Variants in OCA2 observed in about 807,000 individuals in gnomAD.
The protein encoded by OCA2 is OCA2 melanosomal transmembrane protein.
A neutral mutation model predicts 100.2 loss-of-function variants in OCA2; 77 were observed. The ratio of observed to expected loss-of-function variants is 0.77; its 90% CI spans 0.64 to 0.93. OCA2 has a LOEUF of 0.93. Among genes scored for constraint, OCA2 ranks in the 40% least tolerant of loss-of-function variants. The pLI, the probability that OCA2 is intolerant of heterozygous loss-of-function variation, is 0.00. For synonymous variants in OCA2, 432 were observed against 439.2 expected (o/e 0.98, Z 0.21); for missense variants, 1,062 against 1,089.1 (o/e 0.98, Z 0.35).
intron 2 of OCA2, among the ~76,000 whole-genome samples, chr15:28,067,024 T>C (rs1034389360): frequency 2.0e-5 from 3 of 152,252 alleles, no homozygotes; most frequent in Non-Finnish European, 4.4e-5. Flanking sequence ...GATTGATGTC[T>C]GCCTGTAACT....
intron 14 of OCA2, among the ~76,000 whole-genome samples, chr15:27,978,851 A>C (rs1480869378): frequency 6.6e-6 from 1 of 152,090 alleles, no homozygotes; most frequent in Non-Finnish European, 1.5e-5. Context: ...ATGCCCGGCT[A>C]ATATTTTGTA....
intron 16 of OCA2, among the ~76,000 whole-genome samples, chr15:27,955,479 G>C (rs1234500463): frequency 6.6e-6 from 1 of 152,194 alleles, no homozygotes; most frequent in Non-Finnish European, 1.5e-5. Flanking sequence ...TTGCGCAGGG[G>C]AAGCTTCACG....
chr15:28,083,855 A>T (rs974360883), intron 1 of OCA2, among the ~76,000 whole-genome samples: 1 of 152,206 alleles, frequency 6.6e-6, no homozygotes, highest in Non-Finnish European at 1.5e-5. Context: ...CTGAGACTTT[A>T]GAGGGGGTCC....
intron 21 of OCA2, among the ~76,000 whole-genome samples, chr15:27,853,766 C>T (rs1417523904): frequency 1.3e-5 from 2 of 151,958 alleles, no homozygotes; most frequent in East Asian, 1.9e-4. Context: ...CCCCTGGGCC[C>T]GCCATCCCGG....
At chr15:27,753,086 T>C (rs1316483259), downstream of OCA2, among the ~76,000 whole-genome samples, 2 of 152,016 alleles carry the variant, frequency 1.3e-5, no homozygotes, top group Non-Finnish European at 2.9e-5. Context: ...GCCAGTTTGT[T>C]GGTTGACTTT....
chr15:28,021,631 G>C, intron 6 of OCA2, among the ~76,000 whole-genome samples: 1 of 152,190 alleles, frequency 6.6e-6, no homozygotes, highest in Non-Finnish European at 1.5e-5. Flanking sequence ...CGCTCCCCAG[G>C]AAGACAGGAA....
intron 19 of OCA2, among the ~76,000 whole-genome samples, chr15:27,917,703 G>A (rs1042506608): frequency 8.5e-5 from 13 of 152,282 alleles, no homozygotes; most frequent in Non-Finnish European, 1.9e-4. Flanking sequence ...ATAAGGATGA[G>A]TGGGAGCAAA....
rs537854342 is a variant in OCA2, at chr15:27,805,723, T to C, written c.2432+39236A>G. On this transcript the variant is annotated intron_variant, in intron 23 of 23. Coordinates refer to ENST00000354638, the MANE Select transcript of OCA2 (RefSeq NM_000275.3). ...CTGGACGTGCCATGGAGGTGCCGAG[T>C]GCCAGAGGTGCACAGTGAGCGCTGC... Among the ~76,000 whole-genome samples the C allele has an allele frequency of 1.7e-4, 26 of 152,132 alleles. No individual in the cohort carries two copies. In the South Asian group the frequency reaches 3.5e-3, roughly 21 times the overall value.
intron 19 of OCA2, among the ~76,000 whole-genome samples, chr15:27,875,943 A>T (rs2036772692): frequency 6.6e-6 from 1 of 152,046 alleles, no homozygotes; most frequent in Non-Finnish European, 1.5e-5. Context: ...TTTTCTACAT[A>T]AACAATCATA....
At chr15:28,026,968 C>T (rs531427971) in intron 4 of OCA2, among the ~76,000 whole-genome samples, 7 of 152,334 alleles carry the variant, frequency 4.6e-5, no homozygotes, top group African/African-American at 1.2e-4. Context: ...GGTACCGTCG[C>T]GTGGCCAGGC....
chr15:27,900,898 G>A (rs545097519), intron 19 of OCA2, among the ~76,000 whole-genome samples: 2 of 152,298 alleles, frequency 1.3e-5, no homozygotes, highest in Non-Finnish European at 2.9e-5. Context: ...CTCAACAGTG[G>A]ATAAAAACCA....
At chr15:28,063,555 C>CT (rs981423414) in intron 2 of OCA2, among the ~76,000 whole-genome samples, 56 of 152,006 alleles carry the variant, frequency 3.7e-4, no homozygotes, top group African/African-American at 1.3e-3. Context: ...TTCCTTTCTT[C>CT]TTTTTTTACT....
At position 28,024,813 on chromosome 15, in the gene OCA2, A is replaced by G. The variant is rs539305887; in HGVS notation, c.573+32T>C. ...AGGCACACAGGGCTTCCACGGACCCAACAGTAGTGCTGGGGCAGCTAAGGT... is the reference window on the plus strand; with the variant it reads ...AGGCACACAGGGCTTCCACGGACCCGACAGTAGTGCTGGGGCAGCTAAGGT... On this transcript the variant is annotated intron_variant, in intron 5 of 23. Transcript: ENST00000354638. 13 of 1,613,442 alleles carry G rather than the reference A, an allele frequency of 8.1e-6. 1 individual carries two copies. In the South Asian group the frequency reaches 1.4e-4, roughly 18 times the overall value.
At chr15:27,937,236 T>A (rs1287008343) in intron 18 of OCA2, among the ~76,000 whole-genome samples, 1 of 152,240 alleles carries the variant, frequency 6.6e-6, no homozygotes, top group Non-Finnish European at 1.5e-5. Flanking sequence ...GATCCAGTCA[T>A]GTAATACGTT....
chr15:27,805,619 C>T (rs936407671), intron 23 of OCA2, among the ~76,000 whole-genome samples: 1 of 152,208 alleles, frequency 6.6e-6, no homozygotes, highest in East Asian at 1.9e-4. Context: ...GGTCCGCCTG[C>T]GAGCGGTGGG....
chr15:28,046,940 T>A (rs2043365674), intron 2 of OCA2, among the ~76,000 whole-genome samples: 1 of 152,200 alleles, frequency 6.6e-6, no homozygotes, highest in Admixed American at 6.5e-5. Flanking sequence ...CTTGTCATCC[T>A]CTTTGAAAAT....
chr15:27,839,205 GA>G (rs367595199), intron 23 of OCA2, among the ~76,000 whole-genome samples: 99 of 152,048 alleles, frequency 6.5e-4, no homozygotes, highest in African/African-American at 2.4e-3. Flanking sequence ...AAAGGCAAGT[GA>G]AAAAGCATAA....
intron 17 of OCA2, among the ~76,000 whole-genome samples, chr15:27,954,707 C>A (rs728405): frequency 0.58 from 86,010 of 147,638 alleles, 28,378 homozygotes; most frequent in Non-Finnish European, 0.77. Flanking sequence ...CCAAAAAAAA[C>A]AAAACAAAAG....
chr15:27,722,780 T>TTCTC, the OCA2 span, among the ~76,000 whole-genome samples: 11,567 of 134,190 alleles, frequency 0.086, 956 homozygotes, highest in East Asian at 0.22. Flanking sequence ...TTTTCTTTCT[T>TTCTC]TCTCTCTCTC....
Sources: gnomAD v4.1 joint callset for allele counts (sites outside exome capture counted in the v4.1 genomes callset) on GRCh38, gnomAD v4.1.1 for gene constraint, MANE v1.5 for transcripts, NCBI Gene and HGNC (gene_info 2026-07-23, HGNC 2026-07-21) for gene names.